CYP3A7: variants seen among roughly 807,000 people sequenced by gnomAD.
The protein encoded by CYP3A7 is cytochrome P450 family 3 subfamily A member 7, also known as cytochrome P450 3A7.
CYP3A7 carries 45 observed loss-of-function variants against 55.2 expected under a neutral mutation model. The ratio of observed to expected loss-of-function variants is 0.82; its 90% CI spans 0.64 to 1.05. The LOEUF (loss-of-function observed/expected upper bound fraction) is 1.05. Ranked by LOEUF, CYP3A7 falls within the 50% of genes least tolerant of loss-of-function variation. CYP3A7 has a pLI of 0.00. For synonymous variants in CYP3A7, 180 were observed against 207.4 expected (o/e 0.87, Z 1.13); for missense variants, 548 against 605.3 (o/e 0.91, Z 0.99).
At chr7:99,733,759 A>C (rs1449631453) in intron 1 of CYP3A7, among the ~76,000 whole-genome samples, 1 of 152,204 alleles carries the variant, frequency 6.6e-6, no homozygotes, top group Non-Finnish European at 1.5e-5. Context: ...TTCTCACTTC[A>C]TCTTGATCCT....
chr7:99,711,038 T>A (rs1257123202), intron 9 of CYP3A7, 146 bp from the exon 10 acceptor site: 25 of 1,364,468 alleles, frequency 1.8e-5, no homozygotes, highest in Non-Finnish European at 1.7e-5. Flanking sequence ...GTGGTTTCAC[T>A]CTGATGTGTG....
At chr7:99,705,685 A>C in intron 12 of CYP3A7, 90 bp from the exon 13 acceptor site, 12 of 1,494,156 alleles carry the variant, frequency 8.0e-6, no homozygotes, top group Non-Finnish European at 1.1e-5. Flanking sequence ...TACTGACAAT[A>C]ATGCTTTGTA....
intron 10 of CYP3A7, among the ~76,000 whole-genome samples, chr7:99,709,552 A>G (rs1256392250): frequency 6.6e-6 from 1 of 152,182 alleles, no homozygotes; most frequent in Non-Finnish European, 1.5e-5. Context: ...ATGGAAGCAA[A>G]CATGACTAAT....
chr7:99,733,067 C>T (rs575476707), intron 1 of CYP3A7, among the ~76,000 whole-genome samples: 1 of 152,184 alleles, frequency 6.6e-6, no homozygotes, highest in Non-Finnish European at 1.5e-5. Flanking sequence ...GACAGCATAG[C>T]CAGGCCCAAT....
chr7:99,719,159 T>G (rs559019474), intron 4 of CYP3A7, among the ~76,000 whole-genome samples: 4 of 152,308 alleles, frequency 2.6e-5, no homozygotes, highest in East Asian at 3.9e-4. Flanking sequence ...CATTCTGAAT[T>G]TTTATGGAAA....
Position 99,717,100 on chromosome 7 carries a change from C to T in CYP3A7, c.521+77G>A, listed in dbSNP as rs879062534. 2.5e-5 allele frequency: 39 copies of T among 1,590,480 alleles called. No individual in the cohort carries two copies. The East Asian group carries it at 4.0e-4, about 16-fold the overall frequency. On this transcript the variant is annotated intron_variant, in intron 6 of 12. Transcript: ENST00000336374. ...TCTGGTCACTGGAATAACCCAACAGCGGGAGTATCAGCTCCATAGCAGGCA... is the reference window on the plus strand; with the variant it reads ...TCTGGTCACTGGAATAACCCAACAGTGGGAGTATCAGCTCCATAGCAGGCA...
rs1468387023 is a variant in CYP3A7, at chr7:99,735,108, C to T, written c.-15G>A. The stretch of plus-strand genomic sequence containing the variant: ...ATGAGATCCATCACTACTTTCCTTC[C>T]TTATCTCTCTCCTCTGAGTCTTTTT... On this transcript the variant is annotated 5_prime_UTR_variant, in exon 1 of 13. Transcript: ENST00000336374. 4.3e-6 allele frequency: 7 copies of T among 1,613,702 alleles called. No homozygotes were observed. Among genetic ancestry groups the T allele is most frequent in the Non-Finnish European group, 5.9e-6 (7 of 1,179,830 alleles).
In CYP3A7 at chr7:99,705,292, A is replaced by G; in HGVS notation, c.*208T>C. 1.8e-6 allele frequency: 1 copy of G among 540,998 alleles called. No individual in the cohort carries two copies. The highest frequency in any genetic ancestry group is 2.1e-5 in the South Asian group (1 of 47,852). The allele number at this position is 540,998 out of a possible 1,614,324, so 33.5% of individuals were successfully genotyped here. ...AGCCAAATCTACTTCCCCAGCACTG[A>G]TTTGGTCATCTCCTCTATATTACCA... is the stretch of plus-strand genomic sequence containing the variant. On this transcript the variant is annotated 3_prime_UTR_variant, in exon 13 of 13. Transcript: ENST00000336374.
rs1272185705 is a variant in CYP3A7 at position 99,714,620 on chromosome 7, C to G, written c.733G>C (p.Val245Leu). ...ACAGATTTTGTTAGAAAACTTATAA[C>G]TTTTCTTGGAAACACAGTGATATTT... ...ALNITVFPRKVISFLTKSVKQ... is the reference protein window; with the variant it reads ...ALNITVFPRKLISFLTKSVKQ... The change falls in exon 8 of 13, where the codon GTT becomes CTT. Residue 245 changes from valine to leucine, a missense_variant. By Grantham distance (32) the Val-to-Leu change is conservative. Coordinates refer to ENST00000336374, the MANE Select transcript of CYP3A7 (RefSeq NM_000765.5). 2.5e-6 allele frequency: 4 copies of G among 1,612,002 alleles called. No homozygotes were observed. The highest frequency in any genetic ancestry group is 1.7e-6 in the Non-Finnish European group (2 of 1,178,924).
chr7:99,721,468 C>T (rs1323023504), intron 3 of CYP3A7, among the ~76,000 whole-genome samples: 1 of 152,040 alleles, frequency 6.6e-6, no homozygotes, highest in Non-Finnish European at 1.5e-5. Flanking sequence ...CATTTATGAG[C>T]ACATATTCGA....
At chr7:99,725,085 C>G (rs1410683483) in intron 2 of CYP3A7, among the ~76,000 whole-genome samples, 1 of 152,056 alleles carries the variant, frequency 6.6e-6, no homozygotes. Flanking sequence ...TACATGGTCT[C>G]CTGCCTAGTC....
At position 99,705,146 on chromosome 7, in the gene CYP3A7, C is replaced by G. The variant is rs1813472889; in HGVS notation, c.*354G>C. ...CACTGTTAGAGCCATCAAAATAATT[C>G]CTATTTTTATTAATGATTGTGGTTG... is the stretch of plus-strand genomic sequence containing the variant. On this transcript the variant is annotated 3_prime_UTR_variant, in exon 13 of 13. Coordinates refer to ENST00000336374, the MANE Select transcript of CYP3A7 (RefSeq NM_000765.5). 1 of 247,106 alleles carries G rather than the reference C, an allele frequency of 4.0e-6. No homozygotes were observed. The highest frequency in any genetic ancestry group is 8.0e-6 in the Non-Finnish European group (1 of 125,016). The allele number at this position is 247,106 out of a possible 1,614,324, so 15.3% of individuals were successfully genotyped here.
At chr7:99,733,111 T>C (rs1563030213) in intron 1 of CYP3A7, among the ~76,000 whole-genome samples, 1 of 152,324 alleles carries the variant, frequency 6.6e-6, no homozygotes, top group East Asian at 1.9e-4. Context: ...GAATAGTTAG[T>C]GGAAGTGTGT....
intron 2 of CYP3A7, chr7:99,730,698 AG>A (rs1228133698): frequency 2.9e-5 from 7 of 242,594 alleles, no homozygotes; most frequent in Non-Finnish European, 5.7e-5. Flanking sequence ...AGCCACAATC[AG>A]GGGCTCCTGT....
intron 2 of CYP3A7, among the ~76,000 whole-genome samples, chr7:99,729,228 AC>A (rs1454841138): frequency 1.3e-5 from 2 of 152,194 alleles, no homozygotes; most frequent in Non-Finnish European, 2.9e-5. Context: ...ATATAAAAAC[AC>A]ATTCAGACTA....
rs900880530 is a variant in CYP3A7 at position 99,735,031 on chromosome 7, G to A, written c.63C>T (p.Leu21=). 1 of 1,614,112 alleles carries A rather than the reference G, an allele frequency of 6.2e-7. No individual in the cohort carries two copies. The highest frequency in any genetic ancestry group is 1.7e-5 in the Admixed American group (1 of 60,020). Residue 21 remains leucine (L), a synonymous_variant, in exon 1 of 13, where the codon CTC becomes CTT. Transcript: ENST00000336374. ...TWLLLAVSLI[L]LYLYGTRTHG... ...CCTGAACAGTTACTCACAGATAGAG[G>A]AGTATCAGGCTGACAGCCAGGAGAA...
chr7:99,727,659 C>A (rs1190802352), intron 2 of CYP3A7, among the ~76,000 whole-genome samples: 1 of 152,182 alleles, frequency 6.6e-6, no homozygotes, highest in Non-Finnish European at 1.5e-5. Context: ...TCACCACTCA[C>A]CAGCAAAGGC....
chr7:99,723,871 C>T (rs1239895893), intron 2 of CYP3A7, among the ~76,000 whole-genome samples: 1 of 152,192 alleles, frequency 6.6e-6, no homozygotes, highest in Non-Finnish European at 1.5e-5. Flanking sequence ...GTCATGGACT[C>T]GGGAACAGTC....
chr7:99,714,766 A>T, intron 7 of CYP3A7, 84 bp from the exon 8 acceptor site: 1 of 1,571,044 alleles, frequency 6.4e-7, no homozygotes. Context: ...TTCTCTACCA[A>T]TCAGAAGAGT....
Sources: gnomAD v4.1 joint callset for allele counts (sites outside exome capture counted in the v4.1 genomes callset) on GRCh38, gnomAD v4.1.1 for gene constraint, MANE v1.5 for transcripts, NCBI Gene and HGNC (gene_info 2026-07-23, HGNC 2026-07-21) for gene names.